Variants in POU3F3 observed in about 807,000 individuals in gnomAD.
The protein encoded by POU3F3 is POU class 3 homeobox 3, also known as POU domain, class 3, transcription factor 3.
Under a neutral mutation model 8.6 loss-of-function variants are expected in POU3F3, and 1 was observed. The observed-to-expected ratio is 0.12, with a 90% CI of 0.04 to 0.55. The LOEUF (loss-of-function observed/expected upper bound fraction) is 0.55, where lower values mean the gene tolerates loss of function less well. Among genes scored for constraint, POU3F3 ranks in the 20% least tolerant of loss-of-function variants. The pLI is 0.91. For synonymous variants in POU3F3, 418 were observed against 327.4 expected (o/e 1.28, Z -2.99); for missense variants, 577 against 690.7 (o/e 0.84, Z 1.84).
chr2:104,913,159 C>T, the POU3F3 span, among the ~76,000 whole-genome samples: 3 of 151,210 alleles, frequency 2.0e-5, no homozygotes, highest in African/African-American at 4.9e-5. Flanking sequence ...TGCTTGTGAC[C>T]GTGACAGGCC....
chr2:104,858,487 A>G lies in POU3F3; in HGVS notation c.*1474A>G, dbSNP rs1297545286. ...TGGACAGTTGTTAGGTAATAAGGGT[A>G]TCTTTTGATGTGATCATTTGATTGT... On this transcript the variant is annotated 3_prime_UTR_variant, in exon 1 of 1. Transcript: ENST00000361360. The G allele has an allele frequency of 6.6e-6, 1 of 152,216 alleles. No homozygotes were observed. Among genetic ancestry groups the G allele is most frequent in the Non-Finnish European group, 1.5e-5 (1 of 68,048 alleles). 9.4% of individuals were successfully genotyped at this position (152,216 alleles called of 1,614,324 possible).
chr2:104,867,551 C>G, the POU3F3 span: 1 of 152,422 alleles, frequency 6.6e-6, no homozygotes, highest in Non-Finnish European at 1.5e-5. This position sits in a 1 kb window ranked among gnomAD's most constrained non-coding sequence, Gnocchi z 5.0. Flanking sequence ...AGCGTCTCGG[C>G]CTCTGCCCCT....
chr2:104,875,236 G>A, the POU3F3 span, among the ~76,000 whole-genome samples: 1 of 152,192 alleles, frequency 6.6e-6, no homozygotes, highest in Non-Finnish European at 1.5e-5. Flanking sequence ...CCATTCATCT[G>A]TCCCCGGACA....
At chr2:104,863,930 G>A in the POU3F3 span, among the ~76,000 whole-genome samples, 9 of 152,232 alleles carry the variant, frequency 5.9e-5, no homozygotes, top group Admixed American at 3.3e-4. Flanking sequence ...GGAGGCGGCC[G>A]GCGGCTTTGT....
rs1345221981 is a variant in POU3F3 at position 104,855,298 on chromosome 2, CGGCGGCGGCGGCGGCGGGGGCGGA to C, written c.-201_-178del. Among the ~76,000 whole-genome samples, 6 of 146,458 alleles carry C rather than the reference CGGCGGCGGCGGCGGCGGGGGCGGA, an allele frequency of 4.1e-5. No individual in the cohort carries two copies. Among genetic ancestry groups the C allele is most frequent in the Non-Finnish European group, 6.1e-5 (4 of 65,986 alleles). On this transcript the variant is annotated 5_prime_UTR_variant, in exon 1 of 1. Coordinates refer to ENST00000361360, the MANE Select transcript of POU3F3 (RefSeq NM_006236.3). ...TTGCAGCTGCAGCCGGGGGCCGCGGCGGCGGCGGCGGCGGCGGGGGCGGAGGCGGCGGCGGAGGAGGAGGCGGCG... is the reference window on the plus strand; with the variant it reads ...TTGCAGCTGCAGCCGGGGGCCGCGGCGGCGGCGGCGGAGGAGGAGGCGGCG...
the POU3F3 span, among the ~76,000 whole-genome samples, chr2:104,918,295 C>G: frequency 6.6e-6 from 1 of 152,202 alleles, no homozygotes; most frequent in African/African-American, 2.4e-5. Context: ...AACTAAGAGA[C>G]AAATTATTTA....
chr2:104,857,106 G>A lies in POU3F3; in HGVS notation c.*93G>A. ...CGCCCCTGCCGCCGCCGCCGCCGCC[G>A]CCGCCGCCGCTGCCGCCGCCGCGCC... is the stretch of plus-strand genomic sequence containing the variant. On this transcript the variant is annotated 3_prime_UTR_variant, in exon 1 of 1. Transcript: ENST00000361360. 2.0e-6 allele frequency: 2 copies of A among 977,238 alleles called. No individual in the cohort carries two copies. Among genetic ancestry groups the A allele is most frequent in the Non-Finnish European group, 2.4e-6 (2 of 825,052 alleles). 60.5% of individuals were successfully genotyped at this position (977,238 alleles called of 1,614,324 possible). A position where few individuals can be genotyped will look rare whatever the true frequency, so the allele number is the denominator to read the frequency against.
the POU3F3 span, among the ~76,000 whole-genome samples, chr2:104,915,016 G>T: frequency 6.6e-6 from 1 of 152,196 alleles, no homozygotes; most frequent in Non-Finnish European, 1.5e-5. Flanking sequence ...GGCAGCAGCA[G>T]ACACAGCTGG....
Position 104,855,948 on chromosome 2 carries a change from C to G in POU3F3, c.438C>G (p.Gly146=). The G allele has an allele frequency of 9.4e-7, 1 of 1,061,206 alleles. No homozygotes were observed. The highest frequency in any genetic ancestry group is 1.7e-5 in the African/African-American group (1 of 57,238). 65.7% of individuals were successfully genotyped at this position (1,061,206 alleles called of 1,614,324 possible). Residue 146 remains glycine, a synonymous_variant, in exon 1 of 1, where the codon GGC becomes GGG. Transcript: ENST00000361360. ...PPQPPPPPPQ[G]PDVKGGAGRD... Reference sequence around the variant, plus strand: ...AGCCGCCGCCGCCACCGCCGCAGGGCCCCGACGTGAAGGGCGGCGCCGGGC... The same window carrying G: ...AGCCGCCGCCGCCACCGCCGCAGGGGCCCGACGTGAAGGGCGGCGCCGGGC...
chr2:104,896,692 C>T, the POU3F3 span, among the ~76,000 whole-genome samples: 5 of 152,344 alleles, frequency 3.3e-5, no homozygotes, highest in South Asian at 2.1e-4. Context: ...TGACACTCCA[C>T]GTCCTGGTCC....
chr2:104,911,570 G>A, the POU3F3 span, among the ~76,000 whole-genome samples: 1 of 152,120 alleles, frequency 6.6e-6, no homozygotes, highest in Admixed American at 6.5e-5. Flanking sequence ...TGAAAGCCTG[G>A]GAGAAGAGCA....
Position 104,855,514 on chromosome 2 carries a change from G to A in POU3F3, c.4G>A (p.Ala2Thr). The A allele has an allele frequency of 2.0e-6, 2 of 1,017,662 alleles. No homozygotes were observed. Among genetic ancestry groups the A allele is most frequent in the Non-Finnish European group, 2.4e-6 (2 of 849,046 alleles). The allele number at this position is 1,017,662 out of a possible 1,614,324, so 63.0% of individuals were successfully genotyped here. A position where few individuals can be genotyped will look rare whatever the true frequency, so the allele number is the denominator to read the frequency against. Reference protein sequence around the residue: MATAASNPYLPG... With the variant: MTTAASNPYLPG... ...GGGGTGGCGGGAGCGGAGCGGCATG[G>A]CCACGGCGGCTTCTAACCCCTACCT... The change falls in exon 1 of 1, where the codon GCC becomes ACC. Residue 2 changes from alanine to threonine, a missense_variant. Coordinates refer to ENST00000361360, the MANE Select transcript of POU3F3 (RefSeq NM_006236.3).
the POU3F3 span, chr2:104,868,328 G>GCGGTGCAAGAACAGTGCAT: frequency 2.2e-6 from 1 of 456,770 alleles, no homozygotes. Flanking sequence ...GAACAGTGCA[G>GCGGTGCAAGAACAGTGCAT]CAGTGCAAGC....
At chr2:104,885,290 T>C in the POU3F3 span, among the ~76,000 whole-genome samples, 2 of 152,208 alleles carry the variant, frequency 1.3e-5, no homozygotes, top group Non-Finnish European at 2.9e-5. Flanking sequence ...TAAACAGTTG[T>C]CAGAGGCGTT....
chr2:104,911,345 G>A, the POU3F3 span, among the ~76,000 whole-genome samples: 1 of 151,014 alleles, frequency 6.6e-6, no homozygotes, highest in Non-Finnish European at 1.5e-5. Flanking sequence ...AACCTGGAAG[G>A]CAGAGGTTGC....
At chr2:104,920,694 A>G in the POU3F3 span, among the ~76,000 whole-genome samples, 3 of 152,142 alleles carry the variant, frequency 2.0e-5, no homozygotes, top group Non-Finnish European at 4.4e-5. Context: ...CACATATTTT[A>G]GGCACTTCTA....
At position 104,856,144 on chromosome 2, in the gene POU3F3, G is replaced by T. The variant is rs1348594751; in HGVS notation, c.634G>T (p.Gly212Cys). Residue 212 changes from glycine to cysteine, a missense_variant, in exon 1 of 1, where the codon GGC (glycine) becomes TGC (cysteine). By Grantham distance (159) the Gly-to-Cys change is radical. This residue lies in a region of POU3F3 where 484 missense variants were observed against 422.6 expected (regional missense o/e 1.15). Coordinates refer to ENST00000361360, the MANE Select transcript of POU3F3 (RefSeq NM_006236.3). ...AAAHLPSMAG[G>C]QQPPPQSLLY... ...CGCGCACCTCCCGTCCATGGCCGGG[G>T]GCCAGCAGCCGCCGCCGCAGAGTCT... The T allele has an allele frequency of 8.1e-7, 1 of 1,227,808 alleles. No homozygotes were observed. Among genetic ancestry groups the T allele is most frequent in the Non-Finnish European group, 1.0e-6 (1 of 983,694 alleles). The allele number at this position is 1,227,808 out of a possible 1,614,324, so 76.1% of individuals were successfully genotyped here. A position where few individuals can be genotyped will look rare whatever the true frequency, so the allele number is the denominator to read the frequency against.
chr2:104,865,624 G>A, the POU3F3 span: 2 of 152,144 alleles, frequency 1.3e-5, no homozygotes, highest in African/African-American at 4.8e-5. Flanking sequence ...CACTGAAATA[G>A]AATAGATGTT....
At chr2:104,922,476 G>A in the POU3F3 span, among the ~76,000 whole-genome samples, 1 of 146,130 alleles carries the variant, frequency 6.8e-6, no homozygotes, top group Non-Finnish European at 1.5e-5. Flanking sequence ...ATCAATAGAA[G>A]AAACCAAAAA....
Sources: gnomAD v4.1 joint callset for allele counts (sites outside exome capture counted in the v4.1 genomes callset) on GRCh38, gnomAD v4.1.1 for gene constraint, gnomAD v4.1.1 regional missense constraint, Gnocchi (gnomAD v3.1) non-coding constraint, MANE v1.5 for transcripts, NCBI Gene and HGNC (gene_info 2026-07-23, HGNC 2026-07-21) for gene names.